RAB1A: variants seen among roughly 807,000 people sequenced by gnomAD.
The protein encoded by RAB1A is ras-related protein Rab-1A.
Under a neutral mutation model 26.0 loss-of-function variants are expected in RAB1A, and 2 were observed. That is an observed-to-expected ratio of 0.08 (90% CI 0.03 to 0.24). RAB1A has a LOEUF of 0.24. RAB1A is among the 10% of genes least tolerant of loss of function. The pLI, the probability that RAB1A is intolerant of heterozygous loss-of-function variation, is 1.00. For synonymous variants in RAB1A, 84 were observed against 84.9 expected (o/e 0.99, Z 0.06); for missense variants, 100 against 247.0 (o/e 0.40, Z 3.99).
chr2:65,124,805 T>A (rs996449384), intron 1 of RAB1A, among the ~76,000 whole-genome samples: 1 of 152,142 alleles, frequency 6.6e-6, no homozygotes, highest in African/African-American at 2.4e-5. Flanking sequence ...TCACACAAAA[T>A]TCTCAATATA....
intron 2 of RAB1A, among the ~76,000 whole-genome samples, chr2:65,100,988 A>C (rs1410369245): frequency 1.3e-5 from 2 of 151,884 alleles, no homozygotes; most frequent in Non-Finnish European, 2.9e-5. Context: ...TCTACTAAAA[A>C]TACAAAAATT....
intron 1 of RAB1A, among the ~76,000 whole-genome samples, chr2:65,120,670 GAGTATAT>G (rs1403187948): frequency 6.6e-6 from 1 of 151,986 alleles, no homozygotes; most frequent in Non-Finnish European, 1.5e-5. Flanking sequence ...AATGTTATAT[GAGTATAT>G]AGACACAAAG....
chr2:65,097,844 CT>C, intron 3 of RAB1A, 126 bp downstream of exon 3: 1 of 526,188 alleles, frequency 1.9e-6, no homozygotes, highest in Non-Finnish European at 3.3e-6. Context: ...ACCATTCTAT[CT>C]TAAGTACATG....
intron 3 of RAB1A, among the ~76,000 whole-genome samples, chr2:65,092,855 A>G (rs1669203482): frequency 1.3e-5 from 2 of 152,120 alleles, no homozygotes. Context: ...TTGGATTATG[A>G]CGACGGTTTC....
Position 65,091,057 on chromosome 2 carries a change from T to G in RAB1A, c.214A>C (p.Arg72=). Residue 72 remains arginine, a synonymous_variant, in exon 4 of 6, where the codon AGA becomes CGA. Transcript: ENST00000409784. ...TAACTGGAGGTGATTGTTCGAAATCTTTCCTGGCCTGCTGTGTCCCACTAT... is the reference window on the plus strand; with the variant it reads ...TAACTGGAGGTGATTGTTCGAAATCGTTCCTGGCCTGCTGTGTCCCACTAT... ...LQIWDTAGQE[R]FRTITSSYYR... is the part of the protein sequence containing the mutation. 6.2e-7 allele frequency: 1 copy of G among 1,613,138 alleles called. No homozygotes were observed. The highest frequency in any genetic ancestry group is 2.2e-5 in the East Asian group (1 of 44,872).
intron 4 of RAB1A, among the ~76,000 whole-genome samples, chr2:65,089,609 T>C (rs192829754): frequency 3.1e-3 from 479 of 152,260 alleles, no homozygotes; most frequent in Admixed American, 7.1e-3. Flanking sequence ...AAGGGAAGTA[T>C]AGCTTAATAT....
chr2:65,096,047 G>A (rs141825628), intron 3 of RAB1A, among the ~76,000 whole-genome samples: 7,084 of 152,272 alleles, frequency 0.047, 169 homozygotes, highest in Middle Eastern at 0.075. Context: ...CAGCTACTCA[G>A]GAGGCTGAGG....
intron 1 of RAB1A, chr2:65,106,258 A>AC (rs1669556231): frequency 4.8e-6 from 1 of 210,168 alleles, no homozygotes; most frequent in Non-Finnish European, 9.9e-6. Flanking sequence ...AAAACCTTAG[A>AC]ATTTATATAT....
At chr2:65,096,570 T>G (rs540206717) in intron 3 of RAB1A, among the ~76,000 whole-genome samples, 1 of 152,356 alleles carries the variant, frequency 6.6e-6, no homozygotes, top group South Asian at 2.1e-4. Flanking sequence ...TAGATCTTTA[T>G]GTGCTCTTTA....
intron 4 of RAB1A, among the ~76,000 whole-genome samples, chr2:65,090,263 TATG>T (rs1669140771): frequency 6.6e-6 from 1 of 152,206 alleles, no homozygotes; most frequent in Non-Finnish European, 1.5e-5. Flanking sequence ...CCTAATTAGC[TATG>T]ATTTCTCATT....
intron 1 of RAB1A, among the ~76,000 whole-genome samples, chr2:65,124,952 CTGAG>C (rs765783610): frequency 1.3e-5 from 2 of 151,528 alleles, no homozygotes; most frequent in Non-Finnish European, 2.9e-5. Context: ...TTAAACTTTT[CTGAG>C]TTTTTCAAAC....
chr2:65,092,803 G>A (rs939362489), intron 3 of RAB1A, among the ~76,000 whole-genome samples: 1 of 152,204 alleles, frequency 6.6e-6, no homozygotes, highest in Non-Finnish European at 1.5e-5. Context: ...CTCATCTCAA[G>A]TTGTAATCAC....
At chr2:65,120,455 C>CAAA (rs67617654) in intron 1 of RAB1A, among the ~76,000 whole-genome samples, 59 of 56,514 alleles carry the variant, frequency 1.0e-3, no homozygotes, top group East Asian at 2.4e-3. Context: ...CACCTTGTCT[C>CAAA]AAAAAAAAAA....
At chr2:65,122,512 T>C (rs1284371262) in intron 1 of RAB1A, among the ~76,000 whole-genome samples, 2 of 151,976 alleles carry the variant, frequency 1.3e-5, no homozygotes, top group African/African-American at 4.8e-5. Context: ...TAGTAAGTTA[T>C]GATTGCATCA....
At chr2:65,092,010 C>T (rs1334270898) in intron 3 of RAB1A, among the ~76,000 whole-genome samples, 1 of 152,178 alleles carries the variant, frequency 6.6e-6, no homozygotes, top group Non-Finnish European at 1.5e-5. Flanking sequence ...TACGGTGGCT[C>T]ACGCCTGTAA....
At chr2:65,095,516 CTTT>C (rs35819441) in intron 3 of RAB1A, among the ~76,000 whole-genome samples, 2 of 125,924 alleles carry the variant, frequency 1.6e-5, no homozygotes. Context: ...CACCTGGTTA[CTTT>C]TTTTTTTTTT....
At chr2:65,099,094 C>G (rs1283611982) in intron 2 of RAB1A, among the ~76,000 whole-genome samples, 1 of 152,142 alleles carries the variant, frequency 6.6e-6, no homozygotes, top group East Asian at 1.9e-4. Flanking sequence ...GCCTGAGCCT[C>G]TCAAAGTGCT....
intron 3 of RAB1A, among the ~76,000 whole-genome samples, chr2:65,095,187 G>GT (rs1241135396): frequency 1.4e-4 from 22 of 152,032 alleles, no homozygotes; most frequent in African/African-American, 4.8e-4. Context: ...GAGGTTTTGT[G>GT]GTTTTTTTTG....
At chr2:65,097,887 A>G in intron 3 of RAB1A, 84 bp downstream of exon 3, 1 of 682,444 alleles carries the variant, frequency 1.5e-6, no homozygotes, top group Non-Finnish European at 2.4e-6. Context: ...CAATTTTGTT[A>G]GCATAGTAAA....
Sources: gnomAD v4.1 joint callset for allele counts (sites outside exome capture counted in the v4.1 genomes callset) on GRCh38, gnomAD v4.1.1 for gene constraint, MANE v1.5 for transcripts, NCBI Gene and HGNC (gene_info 2026-07-23, HGNC 2026-07-21) for gene names.